DOCK8: variants seen among roughly 807,000 people sequenced by gnomAD.
The protein encoded by DOCK8 is dedicator of cytokinesis protein 8.
DOCK8 carries 141 observed loss-of-function variants against 245.6 expected under a neutral mutation model. The observed-to-expected ratio is 0.57, with a 90% CI of 0.50 to 0.66. The LOEUF is 0.66. DOCK8 is among the 30% of genes least tolerant of loss of function. The probability of loss-of-function intolerance (pLI) is 0.00; values close to 1 mark genes in which losing one functional copy is unlikely to be tolerated. For synonymous variants in DOCK8, 1,168 were observed against 970.2 expected (o/e 1.20, Z -3.79); for missense variants, 2,965 against 2,603.4 (o/e 1.14, Z -3.02).
At chr9:342,811 G>A (rs2051675115) in intron 14 of DOCK8, among the ~76,000 whole-genome samples, 1 of 152,022 alleles carries the variant, frequency 6.6e-6, no homozygotes, top group Non-Finnish European at 1.5e-5. Context: ...TTGTGAAGAG[G>A]CCATATTTTA....
At chr9:292,190 G>C (rs2049069214) in intron 4 of DOCK8, among the ~76,000 whole-genome samples, 1 of 150,538 alleles carries the variant, frequency 6.6e-6, no homozygotes, top group Non-Finnish European at 1.5e-5. Flanking sequence ...GACCAACATG[G>C]AGAAACCCAG....
At chr9:276,951 G>A (rs2048368726) in intron 2 of DOCK8, 1 of 327,932 alleles carries the variant, frequency 3.0e-6, no homozygotes, top group South Asian at 2.1e-5. Context: ...TGGGACCACA[G>A]GCGCACCATT....
intron 6 of DOCK8, among the ~76,000 whole-genome samples, chr9:313,127 A>G (rs902465079): frequency 6.6e-6 from 1 of 152,202 alleles, no homozygotes; most frequent in East Asian, 1.9e-4. Context: ...CAATAAAGGA[A>G]ACAGCAGTCA....
intron 7 of DOCK8, among the ~76,000 whole-genome samples, chr9:324,247 A>G (rs778729692): frequency 6.6e-6 from 1 of 152,204 alleles, no homozygotes; most frequent in Non-Finnish European, 1.5e-5. Flanking sequence ...CTGTGCTCAT[A>G]TTCTGTCCAA....
intron 7 of DOCK8, among the ~76,000 whole-genome samples, chr9:325,193 A>G (rs2050706550): frequency 1.3e-5 from 2 of 152,176 alleles, no homozygotes; most frequent in African/African-American, 4.8e-5. Context: ...TATAGATACC[A>G]CATTTTCTTT....
chr9:415,933 C>G (rs1021774517), intron 29 of DOCK8, among the ~76,000 whole-genome samples: 3 of 152,158 alleles, frequency 2.0e-5, no homozygotes, highest in South Asian at 2.1e-4. Context: ...GTTTATAATA[C>G]TATTACGGTG....
chr9:431,428 A>G (rs894691845), intron 36 of DOCK8, among the ~76,000 whole-genome samples: 2 of 152,172 alleles, frequency 1.3e-5, no homozygotes, highest in Non-Finnish European at 2.9e-5. Flanking sequence ...ATGTTTTTCC[A>G]TGGGCCTGTA....
intron 6 of DOCK8, among the ~76,000 whole-genome samples, chr9:313,177 G>T (rs2130711069): frequency 6.6e-6 from 1 of 152,298 alleles, no homozygotes; most frequent in East Asian, 1.9e-4. Flanking sequence ...TACTATTGTT[G>T]ACATTGACCT....
At chr9:279,336 G>A (rs561219749) in intron 2 of DOCK8, among the ~76,000 whole-genome samples, 30 of 152,314 alleles carry the variant, frequency 2.0e-4, no homozygotes, top group African/African-American at 7.0e-4. Context: ...GGAATTTATG[G>A]CAGAAGTTGA....
At chr9:213,855 AGTAGCTG>A (rs1295317691), upstream of DOCK8, 1 of 152,096 alleles carries the variant, frequency 6.6e-6, no homozygotes, top group Non-Finnish European at 1.5e-5. Flanking sequence ...CAGCCTCCCA[AGTAGCTG>A]GGACTAAGGC....
chr9:214,564 T>A (rs777623265), upstream of DOCK8: 15 of 1,613,928 alleles, frequency 9.3e-6, no homozygotes, highest in South Asian at 1.5e-4. Flanking sequence ...CTCCCCCGAC[T>A]TGCCTACATT....
rs1300751253 is a variant in DOCK8 at position 214,921 on chromosome 9, AG to A, written c.-54del. 2.9e-5 allele frequency: 46 copies of A among 1,603,736 alleles called. No individual in the cohort carries two copies. Among genetic ancestry groups the A allele is most frequent in the Non-Finnish European group, 3.7e-5 (44 of 1,176,928 alleles). ...TTCCGCGGCTACTCTGCGGCGCGCC[AG>A]GCCCCCGCTTTCCGCACCCCGCGAC... On this transcript the variant is annotated 5_prime_UTR_variant, in exon 1 of 48. The change abolishes the stop of an existing upstream ORF in the 5' untranslated region. Transcript: ENST00000432829.
intron 30 of DOCK8, 31 bp from the exon 31 acceptor site, chr9:420,369 TG>T: frequency 6.2e-7 from 1 of 1,613,616 alleles, no homozygotes; most frequent in Non-Finnish European, 8.5e-7. Context: ...ACTTCTTCCC[TG>T]GCCTCCATCC....
chr9:293,627 C>T (rs1366989513), intron 4 of DOCK8, among the ~76,000 whole-genome samples: 2 of 152,204 alleles, frequency 1.3e-5, no homozygotes, highest in African/African-American at 4.8e-5. Flanking sequence ...AGTGAGTTCC[C>T]CTTTGGGGAG....
chr9:324,940 A>C (rs969141802), intron 7 of DOCK8, among the ~76,000 whole-genome samples: 1 of 152,040 alleles, frequency 6.6e-6, no homozygotes, highest in African/African-American at 2.4e-5. Flanking sequence ...TGTACATTGT[A>C]CCCAGTATGT....
chr9:382,429 C>T (rs2053758082), intron 21 of DOCK8, 84 bp from the exon 22 acceptor site: 1 of 1,582,852 alleles, frequency 6.3e-7, no homozygotes, highest in Non-Finnish European at 8.6e-7. Context: ...TTCATCCACC[C>T]TATCCCTCTT....
At chr9:401,715 A>G (rs551032316) in intron 26 of DOCK8, among the ~76,000 whole-genome samples, 6 of 152,320 alleles carry the variant, frequency 3.9e-5, no homozygotes, top group African/African-American at 1.2e-4. Context: ...GCCAATACAC[A>G]GAAACAATCT....
intron 16 of DOCK8, 49 bp from the exon 17 acceptor site, chr9:371,379 T>A: frequency 6.2e-7 from 1 of 1,611,142 alleles, no homozygotes; most frequent in Non-Finnish European, 8.5e-7. Flanking sequence ...ATCAGAGAAG[T>A]CATCATTCTT....
chr9:258,851 G>T (rs1478155967), intron 1 of DOCK8, among the ~76,000 whole-genome samples: 1 of 152,044 alleles, frequency 6.6e-6, no homozygotes, highest in Admixed American at 6.6e-5. Flanking sequence ...GCCCGCCTTG[G>T]CCTCCCAAAG....
Sources: gnomAD v4.1 joint callset for allele counts (sites outside exome capture counted in the v4.1 genomes callset) on GRCh38, gnomAD v4.1.1 for gene constraint, MANE v1.5 for transcripts, NCBI Gene and HGNC (gene_info 2026-07-23, HGNC 2026-07-21) for gene names.